The following ASIC2 variants were observed in gnomAD, a reference collection of about 807,000 sequenced individuals.
ASIC2 encodes the protein acid sensing ion channel subunit 2.
A neutral mutation model predicts 57.3 loss-of-function variants in ASIC2; 25 were observed. The observed-to-expected ratio is 0.44, with a 90% confidence interval of 0.32 to 0.61. The LOEUF (loss-of-function observed/expected upper bound fraction) is 0.61, where lower values mean the gene tolerates loss of function less well. ASIC2 is among the 20% of genes least tolerant of loss of function. The pLI is 0.06. For missense variants in ASIC2, 641 were observed against 738.1 expected (o/e 0.87, Z 1.52); for synonymous variants, 319 against 307.5 (o/e 1.04, Z -0.39).
At chr17:33,468,587 T>C (rs1912936859) in intron 1 of ASIC2, among the ~76,000 whole-genome samples, 1 of 152,104 alleles carries the variant, frequency 6.6e-6, no homozygotes, top group African/African-American at 2.4e-5. Context: ...TGCTTTATAA[T>C]TATGATGTAA....
intron 1 of ASIC2, among the ~76,000 whole-genome samples, chr17:33,615,354 C>G (rs752824873): frequency 6.6e-6 from 1 of 152,096 alleles, no homozygotes; most frequent in African/African-American, 2.4e-5. Flanking sequence ...TTTAAAAAAT[C>G]TATTAAGTCC....
At chr17:33,130,299 C>T (rs2092340693) in intron 1 of ASIC2, among the ~76,000 whole-genome samples, 2 of 152,150 alleles carry the variant, frequency 1.3e-5, no homozygotes, top group South Asian at 2.1e-4. Context: ...CCTTCCTCCC[C>T]CTCCTCATCT....
intron 1 of ASIC2, among the ~76,000 whole-genome samples, chr17:33,340,770 G>A (rs1053301893): frequency 2.0e-5 from 3 of 152,066 alleles, no homozygotes; most frequent in Admixed American, 6.6e-5. Flanking sequence ...GGGCAGCAGA[G>A]TGTGTGAGCA....
intron 1 of ASIC2, among the ~76,000 whole-genome samples, chr17:34,146,093 C>T (rs746823068): frequency 6.6e-6 from 1 of 152,120 alleles, no homozygotes; most frequent in Non-Finnish European, 1.5e-5. Flanking sequence ...AGAAGGGAAA[C>T]CTTGGGAAGG....
intron 1 of ASIC2, among the ~76,000 whole-genome samples, chr17:34,008,212 G>T (rs1209469715): frequency 6.6e-6 from 1 of 152,196 alleles, no homozygotes; most frequent in Non-Finnish European, 1.5e-5. Flanking sequence ...GCTAAGCAGA[G>T]TTCCTATTCT....
intron 1 of ASIC2, among the ~76,000 whole-genome samples, chr17:33,773,926 C>G: frequency 6.6e-6 from 1 of 152,118 alleles, no homozygotes; most frequent in East Asian, 1.9e-4. Context: ...CTCAGCCTCC[C>G]AAAGTGTTGG....
At chr17:33,572,308 C>CT (rs1567654670) in intron 1 of ASIC2, 2 of 152,098 alleles carry the variant, frequency 1.3e-5, no homozygotes, top group African/African-American at 2.4e-5. Flanking sequence ...ACGCACCCCC[C>CT]CCACCCCAGG....
chr17:33,550,776 C>A (rs1386088869), intron 1 of ASIC2, among the ~76,000 whole-genome samples: 1 of 152,142 alleles, frequency 6.6e-6, no homozygotes. Context: ...TTTGCAGTGG[C>A]CCTCTGTGCA....
chr17:34,015,195 A>G (rs1018520465), intron 1 of ASIC2, among the ~76,000 whole-genome samples: 1 of 151,486 alleles, frequency 6.6e-6, no homozygotes, highest in African/African-American at 2.4e-5. Context: ...AGGGACGAGC[A>G]ACTATGCCTA....
intron 1 of ASIC2, among the ~76,000 whole-genome samples, chr17:33,521,045 T>A (rs927605828): frequency 1.3e-5 from 2 of 152,074 alleles, no homozygotes; most frequent in East Asian, 1.9e-4. Flanking sequence ...TAATAATTAT[T>A]ATTATTATTT....
At chr17:34,113,799 C>T (rs1355110941) in intron 1 of ASIC2, among the ~76,000 whole-genome samples, 2 of 152,068 alleles carry the variant, frequency 1.3e-5, no homozygotes, top group African/African-American at 4.8e-5. Flanking sequence ...CACTTGAGCC[C>T]AGGAGTTTGA....
chr17:34,087,787 A>C (rs1024328446), intron 1 of ASIC2, among the ~76,000 whole-genome samples: 1 of 151,208 alleles, frequency 6.6e-6, no homozygotes, highest in South Asian at 2.1e-4. Context: ...CATTTCATTC[A>C]TTTCATCTTC....
intron 1 of ASIC2, among the ~76,000 whole-genome samples, chr17:33,457,773 C>A (rs1307581523): frequency 6.6e-6 from 1 of 152,156 alleles, no homozygotes; most frequent in Non-Finnish European, 1.5e-5. Flanking sequence ...TTATTTAATT[C>A]TTACTGGAGC....
chr17:33,112,543 C>T (rs2092263826), intron 1 of ASIC2, among the ~76,000 whole-genome samples: 1 of 152,152 alleles, frequency 6.6e-6, no homozygotes, highest in Admixed American at 6.5e-5. Flanking sequence ...TTCCCCACCC[C>T]ATTGGACAAT....
chr17:33,985,576 C>T (rs536862260), intron 1 of ASIC2, among the ~76,000 whole-genome samples: 1 of 152,280 alleles, frequency 6.6e-6, no homozygotes, highest in East Asian at 1.9e-4. Context: ...GGACAGACAA[C>T]ATTAAGTTTA....
chr17:33,484,645 G>C (rs1433779939), intron 1 of ASIC2, among the ~76,000 whole-genome samples: 1 of 152,156 alleles, frequency 6.6e-6, no homozygotes, highest in African/African-American at 2.4e-5. Flanking sequence ...TCTCAGCTCA[G>C]ACCAACTGAG....
At chr17:33,335,072 C>T (rs983380517) in intron 1 of ASIC2, among the ~76,000 whole-genome samples, 1 of 152,098 alleles carries the variant, frequency 6.6e-6, no homozygotes, top group African/African-American at 2.4e-5. Context: ...CAGCTGGATT[C>T]AAAAGAGACA....
intron 1 of ASIC2, among the ~76,000 whole-genome samples, chr17:33,341,371 C>T (rs547944086): frequency 1.3e-5 from 2 of 152,308 alleles, no homozygotes; most frequent in African/African-American, 4.8e-5. Flanking sequence ...CAATCCAAGC[C>T]ACTTTGGAGA....
rs142537223 is a variant in ASIC2, at chr17:33,956,986, C to T, written c.555+198992G>A. On this transcript the variant is annotated intron_variant, in intron 1 of 9. Transcript: ENST00000359872. ...CACCTGGCCATGGGCCTGGCAGCTG[C>T]TGCCCTGACTGCTCACCTGGCTCTG... Among the ~76,000 whole-genome samples, 606 of 152,356 alleles carry T rather than the reference C, an allele frequency of 4.0e-3. 7 individuals are homozygous for T. The highest frequency in any genetic ancestry group is 0.014 in the African/African-American group (576 of 41,584).
Sources: gnomAD v4.1 joint callset for allele counts (sites outside exome capture counted in the v4.1 genomes callset) on GRCh38, gnomAD v4.1.1 for gene constraint, MANE v1.5 for transcripts, NCBI Gene and HGNC (gene_info 2026-07-23, HGNC 2026-07-21) for gene names.